The following EIPR1 variants were observed in gnomAD, a reference collection of about 807,000 sequenced individuals.
The protein encoded by EIPR1 is EARP and GARP complex-interacting protein 1.
In EIPR1, 25 loss-of-function variants were observed where a neutral mutation model predicts 48.1. The observed-to-expected ratio is 0.52, with a 90% CI of 0.38 to 0.73. The LOEUF (loss-of-function observed/expected upper bound fraction) is 0.73, where lower values mean the gene tolerates loss of function less well. Among genes scored for constraint, EIPR1 ranks in the 30% least tolerant of loss-of-function variants. The probability of loss-of-function intolerance (pLI) is 0.00; values close to 1 mark genes in which losing one functional copy is unlikely to be tolerated. For missense variants in EIPR1, 415 were observed against 506.2 expected (o/e 0.82, Z 1.73); for synonymous variants, 204 against 201.9 (o/e 1.01, Z -0.09).
intron 3 of EIPR1, among the ~76,000 whole-genome samples, chr2:3,283,942 T>A (rs1342600204): frequency 4.3e-5 from 3 of 69,456 alleles, no homozygotes; most frequent in Non-Finnish European, 5.6e-5. Context: ...CGAGACTACA[T>A]CTAAAAAAAA....
chr2:3,211,535 C>T (rs1244804218), intron 5 of EIPR1, among the ~76,000 whole-genome samples: 1 of 152,216 alleles, frequency 6.6e-6, no homozygotes, highest in Non-Finnish European at 1.5e-5. Flanking sequence ...ATGCTGCTGT[C>T]GCTAGGAGTG....
At chr2:3,291,138 G>C (rs1188855077) in intron 3 of EIPR1, among the ~76,000 whole-genome samples, 2 of 152,232 alleles carry the variant, frequency 1.3e-5, no homozygotes, top group African/African-American at 4.8e-5. Flanking sequence ...CACAGCAGCA[G>C]GGATGCCTGG....
At position 3,192,397 on chromosome 2, in the gene EIPR1, G is replaced by A. The variant is rs1022409767; in HGVS notation, c.989+17C>T. ...GCTCTGGTACAGCGTGAGCCACTCT[G>A]CAGTGCGTGCCCTTACTTCTCTTCA... On this transcript the variant is annotated intron_variant, in intron 8 of 8. Coordinates refer to ENST00000382125, the MANE Select transcript of EIPR1 (RefSeq NM_003310.5). 1 of 1,593,458 alleles carries A rather than the reference G, an allele frequency of 6.3e-7. No homozygotes were observed. The highest frequency in any genetic ancestry group is 8.5e-7 in the Non-Finnish European group (1 of 1,169,634).
At chr2:3,223,635 C>A (rs1270614845) in intron 4 of EIPR1, among the ~76,000 whole-genome samples, 3 of 152,198 alleles carry the variant, frequency 2.0e-5, no homozygotes, top group Non-Finnish European at 4.4e-5. Flanking sequence ...ATCCAAAGCG[C>A]CCCACTAAAA....
intron 3 of EIPR1, among the ~76,000 whole-genome samples, chr2:3,296,735 A>C (rs1490331427): frequency 6.6e-6 from 1 of 151,610 alleles, no homozygotes; most frequent in African/African-American, 2.4e-5. Context: ...CTACACACAC[A>C]CACCCTCCAT....
intron 2 of EIPR1, among the ~76,000 whole-genome samples, chr2:3,339,587 G>T (rs1436205650): frequency 6.6e-6 from 1 of 152,162 alleles, no homozygotes; most frequent in Non-Finnish European, 1.5e-5. Flanking sequence ...TCAGGAATGG[G>T]TTAGCACCAT....
chr2:3,333,952 C>T (rs912785779), intron 3 of EIPR1, among the ~76,000 whole-genome samples: 16 of 152,158 alleles, frequency 1.1e-4, no homozygotes, highest in African/African-American at 3.6e-4. Flanking sequence ...GGGTGTGCGC[C>T]GAAAGGTGTG....
chr2:3,364,562 GA>G (rs1249863842), intron 1 of EIPR1, among the ~76,000 whole-genome samples: 20 of 151,860 alleles, frequency 1.3e-4, no homozygotes, highest in Admixed American at 1.3e-3. Context: ...TTGAGCCTGG[GA>G]GGCAGAGGGT....
intron 3 of EIPR1, among the ~76,000 whole-genome samples, chr2:3,311,848 A>T (rs528442160): frequency 6.6e-6 from 1 of 151,792 alleles, no homozygotes; most frequent in South Asian, 2.1e-4. Context: ...GTGGGAGGGG[A>T]GCTCCAGTCA....
At chr2:3,367,250 T>A (rs1229485699) in intron 1 of EIPR1, among the ~76,000 whole-genome samples, 1 of 152,208 alleles carries the variant, frequency 6.6e-6, no homozygotes, top group Non-Finnish European at 1.5e-5. Context: ...CCTCCTATGC[T>A]GTGTTCCAGG....
At chr2:3,320,159 G>T in intron 3 of EIPR1, 1 of 187,068 alleles carries the variant, frequency 5.3e-6, no homozygotes, top group South Asian at 7.2e-5. Context: ...ACCCCTGCAG[G>T]CAACACCGCA....
intron 3 of EIPR1, among the ~76,000 whole-genome samples, chr2:3,329,465 T>TC (rs1669820966): frequency 6.8e-6 from 1 of 146,704 alleles, no homozygotes; most frequent in African/African-American, 2.6e-5. Context: ...TCTAATGATC[T>TC]CGAGGTTCCA....
intron 5 of EIPR1, among the ~76,000 whole-genome samples, chr2:3,204,199 A>G (rs1466043877): frequency 6.6e-6 from 1 of 152,120 alleles, no homozygotes; most frequent in Non-Finnish European, 1.5e-5. Flanking sequence ...GAAAACTAGA[A>G]CCCAGGGAGA....
intron 3 of EIPR1, chr2:3,319,746 GGGCAACACCGCACCTGCA>G (rs1351720138): frequency 1.3e-5 from 2 of 151,638 alleles, no homozygotes; most frequent in Non-Finnish European, 2.7e-5. Context: ...CCACACCTGC[GGGCAACACCGCACCTGCA>G]GGCAGGGCAA....
intron 4 of EIPR1, among the ~76,000 whole-genome samples, chr2:3,221,637 C>T (rs569254968): frequency 8.3e-4 from 10 of 12,012 alleles, no homozygotes; most frequent in Admixed American, 1.7e-3. Flanking sequence ...CTCTAGAACA[C>T]TCACAGTGAG....
intron 5 of EIPR1, among the ~76,000 whole-genome samples, chr2:3,210,785 C>T (rs939933565): frequency 1.3e-5 from 2 of 152,088 alleles, no homozygotes; most frequent in Non-Finnish European, 2.9e-5. Flanking sequence ...CACGTGCCAC[C>T]ACGCCTGGCT....
At chr2:3,295,008 A>C (rs1668505092) in intron 3 of EIPR1, among the ~76,000 whole-genome samples, 3 of 73,180 alleles carry the variant, frequency 4.1e-5, no homozygotes, top group Admixed American at 1.6e-4. Flanking sequence ...CACACCCTCC[A>C]TCCAGCCCAT....
intron 3 of EIPR1, among the ~76,000 whole-genome samples, chr2:3,266,698 T>C (rs1175436569): frequency 6.6e-6 from 1 of 151,674 alleles, no homozygotes; most frequent in Non-Finnish European, 1.5e-5. Context: ...GAAGTGGAGG[T>C]GTCAGGGGCT....
intron 6 of EIPR1, among the ~76,000 whole-genome samples, chr2:3,195,804 G>A (rs530381864): frequency 6.6e-6 from 1 of 152,110 alleles, no homozygotes; most frequent in Admixed American, 6.5e-5. Flanking sequence ...ATGAGAAGGC[G>A]CCAGGACCCT....
Sources: allele counts gnomAD v4.1 joint callset (sites outside exome capture counted in the v4.1 genomes callset), GRCh38; gene constraint gnomAD v4.1.1; transcripts MANE v1.5; gene names NCBI Gene and HGNC (gene_info 2026-07-23, HGNC 2026-07-21).